Variants in PTK2 observed in about 807,000 individuals in gnomAD.
PTK2 encodes focal adhesion kinase 1.
Under a neutral mutation model 150.1 loss-of-function variants are expected in PTK2, and 45 were observed. The ratio of observed to expected loss-of-function variants is 0.30; its 90% CI spans 0.24 to 0.38. The LOEUF (loss-of-function observed/expected upper bound fraction) is 0.38, where lower values mean the gene tolerates loss of function less well. Ranked by LOEUF, PTK2 falls within the 10% of genes least tolerant of loss-of-function variation. The pLI is 1.00. For missense variants in PTK2, 919 were observed against 1,307.3 expected (o/e 0.70, Z 4.58); for synonymous variants, 432 against 449.2 (o/e 0.96, Z 0.48).
At chr8:140,726,412 AG>A (rs1216916762) in intron 22 of PTK2, among the ~76,000 whole-genome samples, 1 of 152,242 alleles carries the variant, frequency 6.6e-6, no homozygotes, top group African/African-American at 2.4e-5. Context: ...CAAGAGGCTC[AG>A]CAAATCCTAA....
Position 140,927,975 on chromosome 8 carries a change from A to ATATATATATATATAT in PTK2, c.-121-2227_-121-2226insATATATATATATATA, listed in dbSNP as rs1367767247. ...AAAAAAAAGAAAAAAAAAAAAAAAA[A>ATATATATATATATAT]ATATATATATATATATATGTATATA... On this transcript the variant is annotated intron_variant, in intron 1 of 31. Coordinates refer to ENST00000522684, the Ensembl canonical transcript of PTK2. Among the ~76,000 whole-genome samples, 61 of 48,170 alleles carry ATATATATATATATAT rather than the reference A, an allele frequency of 1.3e-3. 1 individual carries two copies. Among genetic ancestry groups the ATATATATATATATAT allele is most frequent in the African/African-American group, 4.8e-3 (49 of 10,216 alleles). 31.6% of individuals were successfully genotyped at this position (48,170 alleles called of 152,430 possible).
chr8:140,762,955 T>A (rs1013812168), intron 15 of PTK2, among the ~76,000 whole-genome samples: 10 of 152,190 alleles, frequency 6.6e-5, no homozygotes, highest in Non-Finnish European at 1.5e-4. Context: ...TAATTTATTT[T>A]GTTTTTGGTA....
At chr8:140,670,488 AACACACACACAC>A (rs57247522) in intron 29 of PTK2, among the ~76,000 whole-genome samples, 474 of 38,980 alleles carry the variant, frequency 0.012, 58 homozygotes, top group South Asian at 0.027. Flanking sequence ...AAAAAACAAC[AACACACACACAC>A]ACACACACAC....
chr8:140,771,688 T>C (rs1207535712), intron 14 of PTK2, among the ~76,000 whole-genome samples: 1 of 152,214 alleles, frequency 6.6e-6, no homozygotes, highest in Non-Finnish European at 1.5e-5. Context: ...AACAATCTTA[T>C]TGACATTGTC....
At chr8:140,713,158 G>A (rs755962952) in intron 23 of PTK2, among the ~76,000 whole-genome samples, 28 of 152,092 alleles carry the variant, frequency 1.8e-4, no homozygotes, top group Non-Finnish European at 2.4e-4. Context: ...TTCTTTTTGT[G>A]TGAGCACAGG....
intron 1 of PTK2, among the ~76,000 whole-genome samples, chr8:140,958,960 C>G (rs2100182145): frequency 6.6e-6 from 1 of 152,028 alleles, no homozygotes; most frequent in Non-Finnish European, 1.5e-5. Flanking sequence ...CTCAAATGAC[C>G]CAGCACCATT....
chr8:140,912,196 T>C (rs1296892973), intron 2 of PTK2, among the ~76,000 whole-genome samples: 1 of 151,034 alleles, frequency 6.6e-6, no homozygotes, highest in Non-Finnish European at 1.5e-5. Context: ...TGAGCTATGA[T>C]TATGACACTG....
chr8:140,763,604 T>C (rs904725714), intron 15 of PTK2, among the ~76,000 whole-genome samples: 5 of 152,108 alleles, frequency 3.3e-5, no homozygotes, highest in Non-Finnish European at 5.9e-5. Context: ...GCTTCAAGAT[T>C]TTCCTTAATC....
intron 5 of PTK2, among the ~76,000 whole-genome samples, chr8:140,856,681 A>T (rs2100132871): frequency 6.6e-6 from 1 of 152,190 alleles, no homozygotes; most frequent in African/African-American, 2.4e-5. Context: ...TGATGGTCAT[A>T]TTCTACATTC....
intron 2 of PTK2, among the ~76,000 whole-genome samples, chr8:140,891,897 C>A (rs1426229056): frequency 6.6e-6 from 1 of 152,158 alleles, no homozygotes; most frequent in African/African-American, 2.4e-5. Context: ...ACCTGGAGTA[C>A]AATTCCTGCT....
rs150558261 is a variant in PTK2 at position 140,789,844 on chromosome 8, A to C, written c.1125-318T>G. On this transcript the variant is annotated intron_variant, in intron 13 of 31. Transcript: ENST00000522684. ...ATAAAAATATAAATTTAAATGCTAC[A>C]CACTAAAGGATTGCCCCTAAAGTTA... is the stretch of plus-strand genomic sequence containing the variant. Among the ~76,000 whole-genome samples, 153 of 152,252 alleles carry C rather than the reference A, an allele frequency of 1.0e-3. 1 individual carries two copies. The East Asian group carries it at 0.027, about 27-fold the overall frequency.
At chr8:140,743,234 G>A in exon 20 of PTK2, 1 of 1,585,974 alleles carries the variant, frequency 6.3e-7, no homozygotes, top group Non-Finnish European at 8.7e-7. Context: ...TCTTACCTTT[G>A]TAGTAAGTAC....
intron 1 of PTK2, among the ~76,000 whole-genome samples, chr8:140,967,013 A>G (rs1007592622): frequency 1.3e-5 from 2 of 152,214 alleles, no homozygotes; most frequent in Admixed American, 6.5e-5. Flanking sequence ...AATCCTGATC[A>G]TAACAATAGC....
intron 1 of PTK2, among the ~76,000 whole-genome samples, chr8:140,980,297 T>C (rs925423366): frequency 6.6e-6 from 1 of 152,122 alleles, no homozygotes; most frequent in Non-Finnish European, 1.5e-5. Flanking sequence ...AATCAAGTCA[T>C]ATAAAGACAT....
chr8:140,690,078 G>C (rs1295857330), intron 26 of PTK2, among the ~76,000 whole-genome samples: 6 of 152,112 alleles, frequency 3.9e-5, no homozygotes, highest in Non-Finnish European at 8.8e-5. Flanking sequence ...TCAGCCTTCT[G>C]AGTAGCTGGG....
chr8:140,964,784 T>C (rs2100184660), intron 1 of PTK2, among the ~76,000 whole-genome samples: 1 of 152,124 alleles, frequency 6.6e-6, no homozygotes, highest in Non-Finnish European at 1.5e-5. Flanking sequence ...GTTTTTTCAT[T>C]TATTCATGTA....
chr8:140,930,889 C>G (rs1395596488), intron 1 of PTK2, among the ~76,000 whole-genome samples: 1 of 151,988 alleles, frequency 6.6e-6, no homozygotes, highest in African/African-American at 2.4e-5. Flanking sequence ...GCCTGAGTAA[C>G]ATGGTGAAAC....
At chr8:140,662,752 C>T in intron 31 of PTK2, 1 of 585,840 alleles carries the variant, frequency 1.7e-6, no homozygotes, top group Non-Finnish European at 3.3e-6. Flanking sequence ...GGGTATGATG[C>T]TGAGAAGGAT....
chr8:140,680,384 C>A (rs528285497), intron 27 of PTK2, among the ~76,000 whole-genome samples: 1 of 152,114 alleles, frequency 6.6e-6, no homozygotes, highest in South Asian at 2.1e-4. Flanking sequence ...CCCGCTACCA[C>A]GCCCGGCTAA....
Sources: gnomAD v4.1 joint callset for allele counts (sites outside exome capture counted in the v4.1 genomes callset) on GRCh38, gnomAD v4.1.1 for gene constraint, MANE v1.5 for transcripts, NCBI Gene and HGNC (gene_info 2026-07-23, HGNC 2026-07-21) for gene names.